The following ZNF521 variants were observed in gnomAD, a reference collection of about 807,000 sequenced individuals.
The protein encoded by ZNF521 is zinc finger protein 521.
Under a neutral mutation model 105.5 loss-of-function variants are expected in ZNF521, and 14 were observed. That is an observed-to-expected ratio of 0.13 (90% CI 0.09 to 0.21). ZNF521 has a LOEUF of 0.21. ZNF521 is among the 10% of genes least tolerant of loss of function. The pLI is 1.00. For synonymous variants in ZNF521, 635 were observed against 606.0 expected (o/e 1.05, Z -0.70); for missense variants, 1,233 against 1,629.7 (o/e 0.76, Z 4.19).
At chr18:25,181,135 C>T (rs879673296) in intron 5 of ZNF521, among the ~76,000 whole-genome samples, 7 of 152,178 alleles carry the variant, frequency 4.6e-5, no homozygotes, top group South Asian at 2.1e-4. Flanking sequence ...TCCCACACAA[C>T]GGTCAGCTTT....
chr18:25,135,430 T>C (rs2034716145), intron 5 of ZNF521, among the ~76,000 whole-genome samples: 1 of 151,956 alleles, frequency 6.6e-6, no homozygotes, highest in Non-Finnish European at 1.5e-5. Context: ...GGAAGGATGA[T>C]GGGGGTTGGG....
At chr18:25,222,705 T>C (rs904258825) in intron 4 of ZNF521, among the ~76,000 whole-genome samples, 1 of 152,236 alleles carries the variant, frequency 6.6e-6, no homozygotes, top group Admixed American at 6.5e-5. Context: ...CCTTAATGTT[T>C]TCAGAATTCT....
rs999550223 is a variant in ZNF521 at position 25,164,698 on chromosome 18, G to A, written c.3658+30462C>T. Reference sequence around the variant, plus strand: ...GGTCAGACTATGTGTGAAAAAGGAAGGAAAAGGTGGTTAGAGTGCCAGGAG... The same window carrying A: ...GGTCAGACTATGTGTGAAAAAGGAAAGAAAAGGTGGTTAGAGTGCCAGGAG... On this transcript the variant is annotated intron_variant, in intron 5 of 7. Transcript: ENST00000361524. Among the ~76,000 whole-genome samples the A allele has an allele frequency of 3.3e-5, 5 of 152,308 alleles. No homozygotes were observed. In the South Asian group the frequency reaches 1.0e-3, roughly 32 times the overall value.
chr18:25,346,373 T>C (rs1914465842), intron 2 of ZNF521, among the ~76,000 whole-genome samples: 2 of 152,136 alleles, frequency 1.3e-5, no homozygotes, highest in Admixed American at 1.3e-4. Flanking sequence ...AAATAAGGAC[T>C]GCAGAGTTTA....
rs902895673 is a variant in ZNF521, at chr18:25,334,942, AT to A, written c.41-12756del. On this transcript the variant is annotated intron_variant, in intron 2 of 7. Coordinates refer to ENST00000361524, the MANE Select transcript of ZNF521 (RefSeq NM_015461.3). ...CAGTCCTGCAAGGTCTATTCCTAAC[AT>A]TTTACTGGTAAGAAAACTGAGGTTT... Among the ~76,000 whole-genome samples, 16 of 152,276 alleles carry A rather than the reference AT, an allele frequency of 1.1e-4. 1 individual carries two copies. The South Asian group carries it at 2.3e-3, about 22-fold the overall frequency.
Position 25,062,637 on chromosome 18 carries a change from A to G in ZNF521, c.*75T>C. 6.6e-7 allele frequency: 1 copy of G among 1,524,628 alleles called. No homozygotes were observed. The highest frequency in any genetic ancestry group is 8.9e-7 in the Non-Finnish European group (1 of 1,119,766). The allele number at this position is 1,524,628 out of a possible 1,614,324, so 94.4% of individuals were successfully genotyped here. Reference sequence around the variant, plus strand: ...CTGAATAATATACATTAACAATGAAAGTTTCGTGCAAAGAGTAAAACATGT... The same window carrying G: ...CTGAATAATATACATTAACAATGAAGGTTTCGTGCAAAGAGTAAAACATGT... On this transcript the variant is annotated 3_prime_UTR_variant, in exon 8 of 8. Transcript: ENST00000361524.
chr18:25,106,077 A>G (rs986759707), intron 5 of ZNF521, among the ~76,000 whole-genome samples: 3 of 152,196 alleles, frequency 2.0e-5, no homozygotes, highest in Non-Finnish European at 4.4e-5. Flanking sequence ...GCATTAAAAA[A>G]TCTGACTAAT....
At chr18:25,094,883 G>C (rs2033821288) in intron 5 of ZNF521, among the ~76,000 whole-genome samples, 1 of 151,846 alleles carries the variant, frequency 6.6e-6, no homozygotes, top group Admixed American at 6.6e-5. Flanking sequence ...TCTAACAACT[G>C]GTTAATATAA....
chr18:25,145,014 T>C (rs2034917111), intron 5 of ZNF521, among the ~76,000 whole-genome samples: 1 of 152,204 alleles, frequency 6.6e-6, no homozygotes, highest in Non-Finnish European at 1.5e-5. Context: ...GCAAGAGCTC[T>C]GCTGGCTGCA....
chr18:25,148,941 C>T (rs1004988369), intron 5 of ZNF521, among the ~76,000 whole-genome samples: 9 of 152,140 alleles, frequency 5.9e-5, no homozygotes, highest in African/African-American at 2.2e-4. Flanking sequence ...TGTTATGTCC[C>T]TTTTCAGTGT....
intron 3 of ZNF521, among the ~76,000 whole-genome samples, chr18:25,242,075 A>T (rs1032158746): frequency 1.3e-5 from 2 of 152,222 alleles, no homozygotes; most frequent in Non-Finnish European, 2.9e-5. Flanking sequence ...TTTATTTCTC[A>T]GTATGGTAAA....
chr18:25,282,710 C>A (rs1910455142), intron 3 of ZNF521, among the ~76,000 whole-genome samples: 1 of 152,050 alleles, frequency 6.6e-6, no homozygotes, highest in Non-Finnish European at 1.5e-5. Flanking sequence ...ATACAAAATG[C>A]CACACCTAAA....
chr18:25,212,538 AATAT>A (rs1279194731), intron 4 of ZNF521, among the ~76,000 whole-genome samples: 526 of 48,100 alleles, frequency 0.011, 10 homozygotes, highest in Middle Eastern at 0.036. Flanking sequence ...AAAAAAAAAA[AATAT>A]ATATATATAT....
Position 25,351,869 on chromosome 18 carries a change from G to C in ZNF521, c.-2+136C>G, listed in dbSNP as rs1043786866. ...GACCGGGGCTCTAAAGTCTACGGCT[G>C]CCTCGGCAGCGGCGGCGGCAGCAGC... On this transcript the variant is annotated intron_variant, in intron 1 of 7. Coordinates refer to ENST00000361524, the MANE Select transcript of ZNF521 (RefSeq NM_015461.3). 3 of 266,874 alleles carry C rather than the reference G, an allele frequency of 1.1e-5. No individual in the cohort carries two copies. The East Asian group carries it at 4.3e-4, about 38-fold the overall frequency. The allele number at this position is 266,874 out of a possible 1,614,324, so 16.5% of individuals were successfully genotyped here. A position where few individuals can be genotyped will look rare whatever the true frequency, so the allele number is the denominator to read the frequency against.
At chr18:25,194,260 T>C (rs2035866556) in intron 5 of ZNF521, among the ~76,000 whole-genome samples, 1 of 151,678 alleles carries the variant, frequency 6.6e-6, no homozygotes, top group Non-Finnish European at 1.5e-5. Context: ...TGAAATACCA[T>C]GAAGTGAGTA....
rs67381140 is a variant in ZNF521 at position 25,273,220 on chromosome 18, C to CAAAAAAAA, written c.221-45531_221-45524dup. Among the ~76,000 whole-genome samples, 61 of 40,888 alleles carry CAAAAAAAA rather than the reference C, an allele frequency of 1.5e-3. 3 individuals are homozygous for CAAAAAAAA. The highest frequency in any genetic ancestry group is 5.4e-3 in the East Asian group (3 of 560). 26.8% of individuals were successfully genotyped at this position (40,888 alleles called of 152,430 possible). A position where few individuals can be genotyped will look rare whatever the true frequency, so the allele number is the denominator to read the frequency against. On this transcript the variant is annotated intron_variant, in intron 3 of 7. Transcript: ENST00000361524. ...CCCAAGAGGAGTGAAACCCTGTCTC[C>CAAAAAAAA]AAAAAAAAAAAAAAAAAAAAAAAAA...
chr18:25,204,382 T>C (rs898112178), intron 4 of ZNF521, among the ~76,000 whole-genome samples: 1 of 151,976 alleles, frequency 6.6e-6, no homozygotes. Context: ...TCCCCAATAG[T>C]CAAAAACCAG....
intron 5 of ZNF521, among the ~76,000 whole-genome samples, chr18:25,123,978 A>G (rs1441306341): frequency 6.6e-6 from 1 of 152,158 alleles, no homozygotes; most frequent in African/African-American, 2.4e-5. Flanking sequence ...TCATTCCAGT[A>G]TCTTGTAGAG....
intron 3 of ZNF521, among the ~76,000 whole-genome samples, chr18:25,246,003 TA>T (rs1568032732): frequency 6.6e-6 from 1 of 150,806 alleles, no homozygotes; most frequent in African/African-American, 2.4e-5. Context: ...ACCCTTCTCT[TA>T]AAAAAAGAAA....
Sources: gnomAD v4.1 joint callset for allele counts (sites outside exome capture counted in the v4.1 genomes callset) on GRCh38, gnomAD v4.1.1 for gene constraint, MANE v1.5 for transcripts, NCBI Gene and HGNC (gene_info 2026-07-23, HGNC 2026-07-21) for gene names.